KCNIP4: variants seen among roughly 807,000 people sequenced by gnomAD.
KCNIP4 encodes potassium voltage-gated channel interacting protein 4, also known as Kv channel-interacting protein 4.
Under a neutral mutation model 34.0 loss-of-function variants are expected in KCNIP4, and 12 were observed. The ratio of observed to expected loss-of-function variants is 0.35; its 90% confidence interval spans 0.23 to 0.57. The LOEUF (loss-of-function observed/expected upper bound fraction) is 0.57. KCNIP4 is among the 20% of genes least tolerant of loss of function. The pLI is 0.83. For missense variants in KCNIP4, 238 were observed against 311.7 expected (o/e 0.76, Z 1.78); for synonymous variants, 124 against 102.2 (o/e 1.21, Z -1.29).
At chr4:21,683,604 G>C (rs939115463) in intron 1 of KCNIP4, among the ~76,000 whole-genome samples, 1 of 151,272 alleles carries the variant, frequency 6.6e-6, no homozygotes, top group Non-Finnish European at 1.5e-5. Context: ...AAATAGCTGG[G>C]ACTACAGGCG....
chr4:21,283,597 G>A (rs1762914325), intron 1 of KCNIP4, among the ~76,000 whole-genome samples: 2 of 137,198 alleles, frequency 1.5e-5, no homozygotes, highest in Non-Finnish European at 3.0e-5. Context: ...TAGTCCATGT[G>A]AAAATAAATA....
chr4:21,896,579 T>A (rs1411683069), intron 1 of KCNIP4, among the ~76,000 whole-genome samples: 1 of 152,164 alleles, frequency 6.6e-6, no homozygotes, highest in Admixed American at 6.6e-5. Context: ...CAGGATCATG[T>A]TAAATATTTT....
chr4:20,867,349 A>G (rs1722977280), intron 2 of KCNIP4, among the ~76,000 whole-genome samples: 2 of 152,152 alleles, frequency 1.3e-5, no homozygotes, highest in East Asian at 1.9e-4. Context: ...GAAACAGAAT[A>G]GAAAACCCAG....
At chr4:20,885,781 A>G (rs1187553782) in intron 1 of KCNIP4, among the ~76,000 whole-genome samples, 1 of 152,154 alleles carries the variant, frequency 6.6e-6, no homozygotes, top group Non-Finnish European at 1.5e-5. Context: ...TGCAGTCCAA[A>G]CAAATATTAA....
intron 1 of KCNIP4, among the ~76,000 whole-genome samples, chr4:21,212,435 A>C (rs2108980615): frequency 6.6e-6 from 1 of 152,328 alleles, no homozygotes; most frequent in South Asian, 2.1e-4. Context: ...AGAATGCAAA[A>C]CAAGGAATGA....
chr4:21,734,460 A>G (rs1365383307), intron 1 of KCNIP4, among the ~76,000 whole-genome samples: 2 of 152,214 alleles, frequency 1.3e-5, no homozygotes, highest in Non-Finnish European at 2.9e-5. Context: ...TGGAAAATAT[A>G]TAAGATCTAC....
At chr4:21,708,520 G>A (rs894099405) in intron 1 of KCNIP4, among the ~76,000 whole-genome samples, 1 of 152,056 alleles carries the variant, frequency 6.6e-6, no homozygotes, top group African/African-American at 2.4e-5. Context: ...AGAAGTCAAA[G>A]AACAATCAAA....
At chr4:21,292,275 C>T (rs1049112242) in intron 1 of KCNIP4, among the ~76,000 whole-genome samples, 1 of 152,106 alleles carries the variant, frequency 6.6e-6, no homozygotes, top group Non-Finnish European at 1.5e-5. Flanking sequence ...TGGAGGACAC[C>T]ATTCCCATAC....
In KCNIP4 at chr4:21,177,804, T is replaced by C. The variant is rs534583093; in HGVS notation, c.62-295095A>G. On this transcript the variant is annotated intron_variant, in intron 1 of 8. Coordinates refer to ENST00000382152, the MANE Select transcript of KCNIP4 (RefSeq NM_025221.6). ...TAGAGGTTGCAGTGAGCTGAGATCATGCCATTGCACTCCAGGCTGGGCAAC... is the reference window on the plus strand; with the variant it reads ...TAGAGGTTGCAGTGAGCTGAGATCACGCCATTGCACTCCAGGCTGGGCAAC... Among the ~76,000 whole-genome samples, 749 of 150,784 alleles carry C rather than the reference T, an allele frequency of 5.0e-3. 6 individuals carry two copies. The highest frequency in any genetic ancestry group is 0.017 in the African/African-American group (692 of 41,024).
rs192575461 is a variant in KCNIP4, at chr4:21,912,910, A to C, written c.61+35661T>G. 6.6e-5 allele frequency among the ~76,000 whole-genome samples: 10 copies of C among 151,704 alleles called. No homozygotes were observed. The East Asian group carries it at 1.9e-3, about 29-fold the overall frequency. ...TTGAAATTCTTTTAGGTTGTGGACT[A>C]TATTTACATATTTTTAAAATTCCCC... On this transcript the variant is annotated intron_variant, in intron 1 of 8. Transcript: ENST00000382152.
chr4:21,861,825 G>C lies in KCNIP4; in HGVS notation c.61+86746C>G, dbSNP rs183288554. ...ATTGACAAACATAGCCCCAGCAAAC[G>C]CGGGTCAGGTCATGTCACTTTTCTG... On this transcript the variant is annotated intron_variant, in intron 1 of 8. Coordinates refer to ENST00000382152, the MANE Select transcript of KCNIP4 (RefSeq NM_025221.6). Among the ~76,000 whole-genome samples, 339 of 152,130 alleles carry C rather than the reference G, an allele frequency of 2.2e-3. 1 individual carries two copies. The highest frequency in any genetic ancestry group is 7.8e-3 in the African/African-American group (324 of 41,486).
chr4:21,930,353 T>G (rs1053902145), intron 1 of KCNIP4, among the ~76,000 whole-genome samples: 8 of 152,132 alleles, frequency 5.3e-5, no homozygotes, highest in African/African-American at 1.9e-4. Context: ...GTCTACATTG[T>G]TCGTACCATT....
At chr4:20,757,172 C>A (rs1291276810) in intron 4 of KCNIP4, among the ~76,000 whole-genome samples, 2 of 152,126 alleles carry the variant, frequency 1.3e-5, no homozygotes, top group Admixed American at 1.3e-4. Flanking sequence ...CTCTTCATCT[C>A]TTTATGCCAC....
intron 1 of KCNIP4, among the ~76,000 whole-genome samples, chr4:21,532,659 T>C (rs936015310): frequency 1.3e-5 from 2 of 152,156 alleles, no homozygotes; most frequent in African/African-American, 2.4e-5. Flanking sequence ...TATCTCTAAA[T>C]CAGAGAAGGT....
intron 1 of KCNIP4, among the ~76,000 whole-genome samples, chr4:21,177,279 A>C (rs1412002244): frequency 6.6e-6 from 1 of 152,216 alleles, no homozygotes; most frequent in Non-Finnish European, 1.5e-5. Flanking sequence ...TTTAAGGAAG[A>C]AGAATTGCTG....
intron 1 of KCNIP4, among the ~76,000 whole-genome samples, chr4:21,402,341 A>G (rs933016187): frequency 2.6e-5 from 4 of 152,206 alleles, no homozygotes; most frequent in Non-Finnish European, 5.9e-5. Context: ...CCGTGAATAG[A>G]AAAATGAGTC....
At chr4:21,862,770 G>A (rs1006244181) in intron 1 of KCNIP4, among the ~76,000 whole-genome samples, 9 of 152,110 alleles carry the variant, frequency 5.9e-5, no homozygotes, top group African/African-American at 2.2e-4. Context: ...TCAGGAGATC[G>A]AGACCACGGT....
chr4:21,255,087 C>T (rs187947009), intron 1 of KCNIP4, among the ~76,000 whole-genome samples: 2 of 152,166 alleles, frequency 1.3e-5, no homozygotes, highest in African/African-American at 4.8e-5. Context: ...GCTCCTCTAC[C>T]CCCACCCTGG....
chr4:21,073,869 G>A (rs1040998090), intron 1 of KCNIP4, among the ~76,000 whole-genome samples: 19 of 152,058 alleles, frequency 1.2e-4, no homozygotes, highest in African/African-American at 4.6e-4. Flanking sequence ...TTTGTCAAAG[G>A]CCTTTTCTGC....
Sources: allele counts gnomAD v4.1 joint callset (sites outside exome capture counted in the v4.1 genomes callset), GRCh38; gene constraint gnomAD v4.1.1; transcripts MANE v1.5; gene names NCBI Gene and HGNC (gene_info 2026-07-23, HGNC 2026-07-21).